Variants in SLC9A9 observed in about 807,000 individuals in gnomAD.
SLC9A9 encodes solute carrier family 9 member A9, also known as sodium/hydrogen exchanger 9.
SLC9A9 carries 62 observed loss-of-function variants against 77.8 expected under a neutral mutation model. The ratio of observed to expected loss-of-function variants is 0.80; its 90% CI spans 0.65 to 0.98. The LOEUF is 0.98. SLC9A9 is among the 50% of genes least tolerant of loss of function. The probability of loss-of-function intolerance (pLI) is 0.00; values close to 1 mark genes in which losing one functional copy is unlikely to be tolerated. For missense variants in SLC9A9, 775 were observed against 774.9 expected (o/e 1.00, Z 0.00); for synonymous variants, 320 against 283.5 (o/e 1.13, Z -1.29).
At chr3:143,684,324 G>A (rs1933193318) in intron 5 of SLC9A9, among the ~76,000 whole-genome samples, 1 of 151,914 alleles carries the variant, frequency 6.6e-6, no homozygotes, top group African/African-American at 2.4e-5. Context: ...ATTTTGCCTT[G>A]TTTGGTGAGA....
intron 4 of SLC9A9, among the ~76,000 whole-genome samples, chr3:143,708,958 T>C (rs1934068710): frequency 6.6e-6 from 1 of 152,172 alleles, no homozygotes; most frequent in African/African-American, 2.4e-5. Context: ...AGGAGAACCA[T>C]GGTCTGGGGA....
chr3:143,632,211 G>A (rs1215454104), intron 6 of SLC9A9, among the ~76,000 whole-genome samples: 3 of 152,096 alleles, frequency 2.0e-5, no homozygotes, highest in Non-Finnish European at 4.4e-5. Flanking sequence ...GGTAGAATAC[G>A]ATCTCAGCTT....
At chr3:143,370,601 A>C (rs900143199) in intron 13 of SLC9A9, among the ~76,000 whole-genome samples, 66 of 150,770 alleles carry the variant, frequency 4.4e-4, no homozygotes, top group Non-Finnish European at 6.7e-4. Flanking sequence ...ACACACACAC[A>C]CCCTAACAAA....
At chr3:143,719,193 C>A (rs1292517368) in intron 4 of SLC9A9, among the ~76,000 whole-genome samples, 1 of 152,134 alleles carries the variant, frequency 6.6e-6, no homozygotes. Flanking sequence ...GCGGACAGAT[C>A]TTTGAAGGTA....
At chr3:143,382,874 A>C (rs1320878556) in intron 12 of SLC9A9, among the ~76,000 whole-genome samples, 1 of 152,194 alleles carries the variant, frequency 6.6e-6, no homozygotes, top group Non-Finnish European at 1.5e-5. Flanking sequence ...TAGAGAATAA[A>C]AAGATAAGGC....
chr3:143,830,388 C>T (rs1204023466), intron 2 of SLC9A9, among the ~76,000 whole-genome samples: 1 of 152,152 alleles, frequency 6.6e-6, no homozygotes, highest in African/African-American at 2.4e-5. Context: ...ACTGAAAACA[C>T]CAAGAGGGCT....
chr3:143,759,720 A>G (rs931351375), intron 4 of SLC9A9, among the ~76,000 whole-genome samples: 6 of 151,576 alleles, frequency 4.0e-5, no homozygotes, highest in African/African-American at 1.5e-4. Context: ...AATACCATAC[A>G]GACCTCCAAT....
chr3:143,693,318 G>C lies in SLC9A9; in HGVS notation c.534-11C>G. On this transcript the variant is annotated splice_polypyrimidine_tract_variant and intron_variant, in intron 4 of 15. Transcript: ENST00000316549. Reference sequence around the variant, plus strand: ...CCATACATAATTAACCTGTTGAAGAGAAAAACATGACCTTCAAACATCAAG... The same window carrying C: ...CCATACATAATTAACCTGTTGAAGACAAAAACATGACCTTCAAACATCAAG... The C allele has an allele frequency of 6.3e-7, 1 of 1,586,382 alleles. No individual in the cohort carries two copies. The highest frequency in any genetic ancestry group is 1.1e-5 in the South Asian group (1 of 90,444).
chr3:143,424,938 GC>G (rs1221983860), intron 12 of SLC9A9, among the ~76,000 whole-genome samples: 2 of 152,174 alleles, frequency 1.3e-5, no homozygotes, highest in African/African-American at 4.8e-5. Context: ...TAATGAATTG[GC>G]AACCACACAG....
At chr3:143,292,393 C>G (rs1014180704) in intron 14 of SLC9A9, among the ~76,000 whole-genome samples, 2 of 152,172 alleles carry the variant, frequency 1.3e-5, no homozygotes, top group Non-Finnish European at 2.9e-5. Context: ...TTCCATTGTA[C>G]AGATGAATAA....
intron 4 of SLC9A9, among the ~76,000 whole-genome samples, chr3:143,733,012 T>G (rs1012290421): frequency 1.3e-5 from 2 of 152,114 alleles, no homozygotes; most frequent in African/African-American, 4.8e-5. Flanking sequence ...ATAAACATAT[T>G]TTTTCTTATT....
chr3:143,747,062 A>G (rs1576698745), intron 4 of SLC9A9, among the ~76,000 whole-genome samples: 1 of 152,218 alleles, frequency 6.6e-6, no homozygotes, highest in Middle Eastern at 3.4e-3. Context: ...GCCCACAAAG[A>G]TATGAGGTCC....
intron 12 of SLC9A9, among the ~76,000 whole-genome samples, chr3:143,385,207 T>C (rs1227192518): frequency 6.6e-6 from 1 of 152,094 alleles, no homozygotes; most frequent in East Asian, 1.9e-4. Flanking sequence ...ACTGTAACAA[T>C]ATGTTGACAT....
chr3:143,343,407 C>T (rs925970093), intron 14 of SLC9A9: 5 of 151,926 alleles, frequency 3.3e-5, no homozygotes, highest in Admixed American at 2.0e-4. Context: ...GATGTTCTAC[C>T]AAGATGTAAA....
intron 9 of SLC9A9, chr3:143,517,668 G>T: frequency 6.3e-7 from 1 of 1,597,440 alleles, no homozygotes; most frequent in African/African-American, 1.3e-5. Flanking sequence ...GCTTTCGCCC[G>T]CCACTTGTAA....
intron 14 of SLC9A9, chr3:143,347,211 G>A (rs1482148206): frequency 6.6e-6 from 1 of 152,020 alleles, no homozygotes; most frequent in Non-Finnish European, 1.5e-5. Context: ...TTTCATCATT[G>A]AATGTAGCCA....
chr3:143,705,373 A>T (rs942757743), intron 4 of SLC9A9, among the ~76,000 whole-genome samples: 3 of 152,268 alleles, frequency 2.0e-5, no homozygotes, highest in Non-Finnish European at 2.9e-5. Flanking sequence ...AATGAATAAG[A>T]TCTCATATTT....
intron 2 of SLC9A9, among the ~76,000 whole-genome samples, chr3:143,822,908 C>T (rs1382365217): frequency 6.6e-6 from 1 of 152,166 alleles, no homozygotes; most frequent in Non-Finnish European, 1.5e-5. Flanking sequence ...TCCATCCCTA[C>T]GCAATTATTT....
chr3:143,688,513 G>A (rs1933352650), intron 5 of SLC9A9, among the ~76,000 whole-genome samples: 1 of 152,060 alleles, frequency 6.6e-6, no homozygotes, highest in Non-Finnish European at 1.5e-5. Context: ...TCTACGTATG[G>A]CAGAAGAGAA....
Sources: gnomAD v4.1 joint callset for allele counts (sites outside exome capture counted in the v4.1 genomes callset) on GRCh38, gnomAD v4.1.1 for gene constraint, MANE v1.5 for transcripts, NCBI Gene and HGNC (gene_info 2026-07-23, HGNC 2026-07-21) for gene names.